Variants in GRIK2 observed in about 807,000 individuals in gnomAD.
The protein encoded by GRIK2 is glutamate ionotropic receptor kainate type subunit 2.
In GRIK2, 32 loss-of-function variants were observed where a neutral mutation model predicts 100.3. The observed-to-expected ratio is 0.32, with a 90% confidence interval of 0.24 to 0.43. The LOEUF is 0.43. Ranked by LOEUF, GRIK2 falls within the 20% of genes least tolerant of loss-of-function variation. The pLI is 1.00. For synonymous variants in GRIK2, 417 were observed against 389.4 expected, an observed-to-expected ratio of 1.07 and a Z score of -0.83; for missense variants, 843 against 1,114.9, an observed-to-expected ratio of 0.76 and a Z score of 3.47.
chr6:101,574,127 TGGAA>T (rs1321183877), intron 2 of GRIK2, among the ~76,000 whole-genome samples: 1 of 151,066 alleles, frequency 6.6e-6, no homozygotes, highest in Non-Finnish European at 1.5e-5. Context: ...ATACATAAAA[TGGAA>T]GGAAATGTTT....
At chr6:101,453,485 G>A (rs754135432) in intron 2 of GRIK2, among the ~76,000 whole-genome samples, 3 of 151,760 alleles carry the variant, frequency 2.0e-5, no homozygotes, top group Non-Finnish European at 1.5e-5. Flanking sequence ...CTCTTATTAC[G>A]GTTTAGAGAA....
intron 2 of GRIK2, among the ~76,000 whole-genome samples, chr6:101,531,540 G>T (rs1161578244): frequency 6.6e-6 from 1 of 151,798 alleles, no homozygotes; most frequent in East Asian, 1.9e-4. Flanking sequence ...TCCTTCTCCT[G>T]CTTGAGATAT....
At chr6:101,559,590 A>T (rs916177285) in intron 2 of GRIK2, among the ~76,000 whole-genome samples, 1 of 152,082 alleles carries the variant, frequency 6.6e-6, no homozygotes, top group Non-Finnish European at 1.5e-5. Context: ...ACAATCAGCT[A>T]CTCCCAAGAA....
chr6:101,953,316 G>A (rs1051239085), intron 14 of GRIK2, among the ~76,000 whole-genome samples: 1 of 152,132 alleles, frequency 6.6e-6, no homozygotes, highest in Admixed American at 6.6e-5. Context: ...GTAAATATAT[G>A]TTTAACCATT....
intron 9 of GRIK2, among the ~76,000 whole-genome samples, chr6:101,803,418 A>G (rs1780795463): frequency 6.6e-6 from 1 of 151,800 alleles, no homozygotes; most frequent in South Asian, 2.1e-4. Context: ...TGATGACTCA[A>G]ACTGATAGAG....
At chr6:101,756,561 A>T (rs535047832) in intron 7 of GRIK2, among the ~76,000 whole-genome samples, 1 of 152,168 alleles carries the variant, frequency 6.6e-6, no homozygotes, top group African/African-American at 2.4e-5. Context: ...CTTCATGCCA[A>T]TCATGAATCT....
chr6:102,008,600 C>T (rs1206051594), intron 14 of GRIK2, among the ~76,000 whole-genome samples: 1 of 152,070 alleles, frequency 6.6e-6, no homozygotes, highest in African/African-American at 2.4e-5. Context: ...AATTTTGCCT[C>T]TAAAACATGA....
At chr6:101,452,452 T>C (rs1582481637) in intron 2 of GRIK2, among the ~76,000 whole-genome samples, 1 of 151,818 alleles carries the variant, frequency 6.6e-6, no homozygotes, top group East Asian at 1.9e-4. Context: ...TTTTTGTGTT[T>C]TTTTTTTCAT....
chr6:101,912,085 CAAACACACACACACAAACACACACACAG>C (rs1562483010), intron 12 of GRIK2, among the ~76,000 whole-genome samples: 30,386 of 83,650 alleles, frequency 0.36, 4,064 homozygotes, highest in Non-Finnish European at 0.44. Context: ...CACACAGACA[CAAACACACACACACAAACACACACACAG>C]AGACCGAGAG....
intron 2 of GRIK2, among the ~76,000 whole-genome samples, chr6:101,584,949 TG>T: frequency 6.6e-6 from 1 of 151,948 alleles, no homozygotes; most frequent in Admixed American, 6.6e-5. Context: ...TAAGTGGAGA[TG>T]TAACTACATA....
chr6:101,457,862 A>G (rs898315953), intron 2 of GRIK2, among the ~76,000 whole-genome samples: 6 of 152,142 alleles, frequency 3.9e-5, no homozygotes, highest in Admixed American at 3.3e-4. Flanking sequence ...AAGCAAAGGT[A>G]AGGATCATTC....
intron 9 of GRIK2, among the ~76,000 whole-genome samples, chr6:101,809,370 A>G (rs1420681506): frequency 1.3e-5 from 2 of 152,020 alleles, no homozygotes; most frequent in East Asian, 1.9e-4. Context: ...TTCTACAGAA[A>G]TCTTTACTAT....
At chr6:101,727,934 A>T (rs532173737) in intron 7 of GRIK2, among the ~76,000 whole-genome samples, 1 of 152,116 alleles carries the variant, frequency 6.6e-6, no homozygotes, top group Non-Finnish European at 1.5e-5. Context: ...AGCACAAAAA[A>T]TGATAAAATA....
intron 12 of GRIK2, among the ~76,000 whole-genome samples, chr6:101,921,410 TTGTA>T (rs972339031): frequency 1.3e-5 from 2 of 152,004 alleles, no homozygotes; most frequent in Admixed American, 6.6e-5. Context: ...AAACAAATAA[TTGTA>T]TGAGCAGAAA....
intron 7 of GRIK2, among the ~76,000 whole-genome samples, chr6:101,753,843 A>G (rs1402977906): frequency 1.3e-5 from 2 of 152,122 alleles, no homozygotes; most frequent in East Asian, 3.9e-4. Flanking sequence ...AAATAAAATC[A>G]ATTGAAATAC....
intron 2 of GRIK2, among the ~76,000 whole-genome samples, chr6:101,582,010 T>C (rs1320183509): frequency 6.6e-6 from 1 of 152,088 alleles, no homozygotes; most frequent in African/African-American, 2.4e-5. Flanking sequence ...TTTTCCCCCA[T>C]ACTGTCCTTG....
chr6:101,739,219 T>G (rs1775870450), intron 7 of GRIK2, among the ~76,000 whole-genome samples: 1 of 152,250 alleles, frequency 6.6e-6, no homozygotes, highest in Admixed American at 6.5e-5. Context: ...TCGCATGCTA[T>G]TGATTTTACT....
chr6:101,625,869 G>C (rs1780409622), intron 3 of GRIK2, among the ~76,000 whole-genome samples: 1 of 152,102 alleles, frequency 6.6e-6, no homozygotes, highest in Non-Finnish European at 1.5e-5. Context: ...AGCTATAGCA[G>C]GTTTTGTGTG....
chr6:101,463,489 A>G (rs935789516), intron 2 of GRIK2, among the ~76,000 whole-genome samples: 3 of 152,330 alleles, frequency 2.0e-5, no homozygotes, highest in East Asian at 3.9e-4. Context: ...TTTTATTCCA[A>G]TGTGTATTTT....
Sources: allele counts gnomAD v4.1 joint callset (sites outside exome capture counted in the v4.1 genomes callset), GRCh38; gene constraint gnomAD v4.1.1; transcripts MANE v1.5; gene names NCBI Gene and HGNC (gene_info 2026-07-23, HGNC 2026-07-21).